The following UNC13C variants were observed in gnomAD, a reference collection of about 807,000 sequenced individuals.
UNC13C encodes protein unc-13 homolog C.
A neutral mutation model predicts 245.4 loss-of-function variants in UNC13C; 174 were observed. The observed-to-expected ratio is 0.71, with a 90% confidence interval of 0.63 to 0.80. UNC13C has a LOEUF of 0.80. Ranked by LOEUF, UNC13C falls within the 30% of genes least tolerant of loss-of-function variation. The pLI, the probability that UNC13C is intolerant of heterozygous loss-of-function variation, is 0.00. For missense variants in UNC13C, 2,829 were observed against 2,602.9 expected (o/e 1.09, Z -1.89); for synonymous variants, 992 against 895.1 (o/e 1.11, Z -1.93).
chr15:54,516,694 G>A (rs1487309944), intron 24 of UNC13C, among the ~76,000 whole-genome samples: 1 of 151,492 alleles, frequency 6.6e-6, no homozygotes, highest in East Asian at 1.9e-4. Context: ...CAGCTACTCA[G>A]GAGGCTGAAG....
At chr15:54,438,229 G>T (rs994164876) in intron 19 of UNC13C, among the ~76,000 whole-genome samples, 1 of 151,896 alleles carries the variant, frequency 6.6e-6, no homozygotes, top group Non-Finnish European at 1.5e-5. Context: ...CATAAAGTCA[G>T]TGACTGCATC....
chr15:54,590,007 G>A (rs900150040), intron 30 of UNC13C, among the ~76,000 whole-genome samples: 43 of 152,126 alleles, frequency 2.8e-4, no homozygotes, highest in Non-Finnish European at 3.5e-4. Context: ...TCCTACATGT[G>A]GCTAGCCAAT....
In UNC13C at chr15:54,377,376, T is replaced by C. The variant is rs192770404; in HGVS notation, c.4714-15672T>C. 3.9e-5 allele frequency among the ~76,000 whole-genome samples: 6 copies of C among 152,290 alleles called. No individual in the cohort carries two copies. The East Asian group carries it at 9.7e-4, about 25-fold the overall frequency. ...AGAATTGACAAATAATTTGAAACTATCCTTAACCCTCCACACTTGTTAGGT... is the reference window on the plus strand; with the variant it reads ...AGAATTGACAAATAATTTGAAACTACCCTTAACCCTCCACACTTGTTAGGT... On this transcript the variant is annotated intron_variant, in intron 17 of 32. Transcript: ENST00000260323.
chr15:54,365,166 G>T (rs78443182), intron 17 of UNC13C, among the ~76,000 whole-genome samples: 7,248 of 151,832 alleles, frequency 0.048, 252 homozygotes, highest in Admixed American at 0.11. Context: ...ATTTTCCTGC[G>T]TCCTTTCTGT....
At chr15:54,387,143 C>T (rs538614509) in intron 17 of UNC13C, among the ~76,000 whole-genome samples, 16 of 152,060 alleles carry the variant, frequency 1.1e-4, no homozygotes, top group African/African-American at 9.7e-5. Context: ...AATGAGCCAA[C>T]GGAGTAAAGT....
intron 4 of UNC13C, among the ~76,000 whole-genome samples, chr15:54,185,379 T>G (rs1367481704): frequency 6.6e-5 from 10 of 151,640 alleles, no homozygotes; most frequent in East Asian, 3.9e-4. Context: ...GCCTAGGTTT[T>G]CTTCTAGGGT....
intron 10 of UNC13C, among the ~76,000 whole-genome samples, chr15:54,288,237 T>C (rs1218800291): frequency 6.6e-6 from 1 of 152,192 alleles, no homozygotes; most frequent in Non-Finnish European, 1.5e-5. Flanking sequence ...CAATCTTGTA[T>C]GACCTGCTAC....
Position 54,217,044 on chromosome 15 carries a change from A to ATCTAC in UNC13C, c.3072-17986_3072-17985insTCTAC, listed in dbSNP as rs2035062523. On this transcript the variant is annotated intron_variant, in intron 4 of 32. Coordinates refer to ENST00000260323, the MANE Select transcript of UNC13C (RefSeq NM_001080534.3). ...ATCATTCTGCTTTACAGCAACAGTT[A>ATCTAC]AGGTATCTAGGAGTTAATGGAGAGA... Among the ~76,000 whole-genome samples the ATCTAC allele has an allele frequency of 1.3e-5, 2 of 152,010 alleles. 1 individual carries two copies. Among genetic ancestry groups the ATCTAC allele is most frequent in the Admixed American group, 1.3e-4 (2 of 15,218 alleles).
chr15:54,070,462 G>C (rs1429894315), intron 2 of UNC13C, among the ~76,000 whole-genome samples: 1 of 152,164 alleles, frequency 6.6e-6, no homozygotes, highest in Non-Finnish European at 1.5e-5. Flanking sequence ...AAAAGCAGAA[G>C]GAATGGAATT....
chr15:54,617,021 G>A (rs1900483270), intron 30 of UNC13C, among the ~76,000 whole-genome samples: 1 of 152,060 alleles, frequency 6.6e-6, no homozygotes, highest in Admixed American at 6.6e-5. Context: ...TGTAGCCTAG[G>A]AACAATAAAC....
chr15:54,588,909 C>T (rs1299687201), intron 30 of UNC13C, among the ~76,000 whole-genome samples: 1 of 152,180 alleles, frequency 6.6e-6, no homozygotes, highest in Non-Finnish European at 1.5e-5. Context: ...GTTGGTTCCA[C>T]AGTTTTGCAA....
the UNC13C span, among the ~76,000 whole-genome samples, chr15:53,840,059 T>C: frequency 6.6e-6 from 1 of 152,156 alleles, no homozygotes; most frequent in Non-Finnish European, 1.5e-5. Context: ...TATAGCAAGA[T>C]GAACAGGATG....
chr15:53,907,468 C>A, the UNC13C span, among the ~76,000 whole-genome samples: 32 of 152,228 alleles, frequency 2.1e-4, no homozygotes, highest in African/African-American at 7.5e-4. Flanking sequence ...TATGATATAG[C>A]GGAGAAAGCC....
At chr15:54,500,788 C>T (rs771997211) in intron 21 of UNC13C, 47 bp from the exon 22 acceptor site, 24 of 1,534,598 alleles carry the variant, frequency 1.6e-5, no homozygotes, top group East Asian at 1.2e-4. Context: ...TTTTCCATTC[C>T]GCCTCTAATG....
At chr15:54,392,973 TA>T in intron 17 of UNC13C, 74 bp from the exon 18 acceptor site, 1 of 1,389,824 alleles carries the variant, frequency 7.2e-7, no homozygotes, top group Non-Finnish European at 9.4e-7. Context: ...TTTGATCTTC[TA>T]TTTGACAGTG....
intron 16 of UNC13C, among the ~76,000 whole-genome samples, chr15:54,334,605 G>A (rs1303390208): frequency 1.3e-5 from 2 of 151,986 alleles, no homozygotes; most frequent in Non-Finnish European, 2.9e-5. Context: ...TAATAAAAGA[G>A]AGACACAAAG....
chr15:54,622,046 T>G (rs115355330), intron 30 of UNC13C, among the ~76,000 whole-genome samples: 1 of 152,146 alleles, frequency 6.6e-6, no homozygotes, highest in African/African-American at 2.4e-5. Context: ...AAGTGGCTAG[T>G]AAATCAACCC....
intron 19 of UNC13C, among the ~76,000 whole-genome samples, chr15:54,445,710 AG>A (rs772489773): frequency 7.4e-4 from 112 of 152,254 alleles, no homozygotes; most frequent in Non-Finnish European, 1.2e-3. Context: ...TCAGATGAGT[AG>A]ATTGCAAAAA....
intron 4 of UNC13C, among the ~76,000 whole-genome samples, chr15:54,200,038 A>G (rs2034474366): frequency 6.6e-6 from 1 of 151,790 alleles, no homozygotes. Flanking sequence ...AGCTATTCTT[A>G]TATCAGACAA....
Sources: allele counts gnomAD v4.1 joint callset (sites outside exome capture counted in the v4.1 genomes callset), GRCh38; gene constraint gnomAD v4.1.1; transcripts MANE v1.5; gene names NCBI Gene and HGNC (gene_info 2026-07-23, HGNC 2026-07-21).